The following GALNT2 variants were observed in gnomAD, a reference collection of about 807,000 sequenced individuals.
GALNT2 encodes the protein UDP-GalNAc:polypeptide N-acetylgalactosaminyltransferase 2.
In GALNT2, 31 loss-of-function variants were observed where a neutral mutation model predicts 81.4. That is an observed-to-expected ratio of 0.38 (90% CI 0.29 to 0.51). GALNT2 has a LOEUF of 0.51. Ranked by LOEUF, GALNT2 falls within the 20% of genes least tolerant of loss-of-function variation. The pLI is 0.87. For synonymous variants in GALNT2, 303 were observed against 287.4 expected, an observed-to-expected ratio of 1.05 and a Z score of -0.55; for missense variants, 629 against 765.7, an observed-to-expected ratio of 0.82 and a Z score of 2.11.
chr1:230,230,957 T>G (rs957871835), intron 3 of GALNT2, among the ~76,000 whole-genome samples: 1 of 152,200 alleles, frequency 6.6e-6, no homozygotes, highest in Admixed American at 6.5e-5. Flanking sequence ...TGAACTCTCC[T>G]TCTTAAAGAG....
intron 1 of GALNT2, among the ~76,000 whole-genome samples, chr1:230,060,496 C>T (rs1001310274): frequency 6.6e-6 from 1 of 152,112 alleles, no homozygotes; most frequent in Non-Finnish European, 1.5e-5. Flanking sequence ...CCTATTTCTC[C>T]ACCAGCTACT....
At chr1:230,190,663 G>A (rs771912309) in intron 2 of GALNT2, among the ~76,000 whole-genome samples, 2 of 152,020 alleles carry the variant, frequency 1.3e-5, no homozygotes, top group Non-Finnish European at 2.9e-5. Flanking sequence ...CTCCTGAAAC[G>A]GGGCCTTTTT....
intron 2 of GALNT2, among the ~76,000 whole-genome samples, chr1:230,199,557 A>G (rs75890787): frequency 0.11 from 16,144 of 152,282 alleles, 1,082 homozygotes; most frequent in Non-Finnish European, 0.14. Flanking sequence ...AGACTTTTGT[A>G]TCAGTTGGGT....
chr1:230,091,241 ATT>A lies in GALNT2; in HGVS notation c.126+23848_126+23849del, dbSNP rs5781563. 2.9e-3 allele frequency among the ~76,000 whole-genome samples: 422 copies of A among 144,454 alleles called. 1 individual carries two copies. The highest frequency in any genetic ancestry group is 3.7e-3 in the African/African-American group (144 of 39,220). 94.8% of individuals were successfully genotyped at this position (144,454 alleles called of 152,430 possible). ...GTGTCACCACATACTAATTTTTTGTATTTTTTTTTTTTTTAGTAGAGACAGGG... is the reference window on the plus strand; with the variant it reads ...GTGTCACCACATACTAATTTTTTGTATTTTTTTTTTTTAGTAGAGACAGGG... On this transcript the variant is annotated intron_variant, in intron 1 of 15. Transcript: ENST00000366672.
rs1014071696 is a variant in GALNT2, at chr1:230,257,288, C to T, written c.1136+1944C>T. ...GTGACCCTATGGTGAAACAATGGTA[C>T]GAGTGCCCCCTCCACTCTTGGAGCC... is the stretch of plus-strand genomic sequence containing the variant. On this transcript the variant is annotated intron_variant, in intron 11 of 15. Transcript: ENST00000366672. This position sits in a 1 kb window ranked among gnomAD's most constrained non-coding sequence, Gnocchi z 4.6. Among the ~76,000 whole-genome samples the T allele has an allele frequency of 2.6e-5, 4 of 152,184 alleles. No individual in the cohort carries two copies. The highest frequency in any genetic ancestry group is 6.5e-5 in the Admixed American group (1 of 15,286).
chr1:230,173,222 T>C (rs1186997001), intron 1 of GALNT2, among the ~76,000 whole-genome samples: 2 of 152,244 alleles, frequency 1.3e-5, no homozygotes, highest in African/African-American at 2.4e-5. Flanking sequence ...CTTTAGGGCA[T>C]CTAGGTCTTT....
intron 1 of GALNT2, among the ~76,000 whole-genome samples, chr1:230,086,946 G>T (rs1282870535): frequency 6.6e-6 from 1 of 152,170 alleles, no homozygotes; most frequent in Non-Finnish European, 1.5e-5. Flanking sequence ...TCTACGAGAT[G>T]GAGTTTATCA....
intron 8 of GALNT2, among the ~76,000 whole-genome samples, chr1:230,246,609 CT>C (rs1316876835): frequency 6.6e-6 from 1 of 152,146 alleles, no homozygotes; most frequent in Non-Finnish European, 1.5e-5. Context: ...CTGTGTCATC[CT>C]CAACCCCCTC....
chr1:230,144,563 C>T (rs1469306868), intron 1 of GALNT2, among the ~76,000 whole-genome samples: 1 of 152,176 alleles, frequency 6.6e-6, no homozygotes, highest in Non-Finnish European at 1.5e-5. Flanking sequence ...ACATCTGCAA[C>T]AATAGACGCT....
chr1:230,122,914 G>A (rs1031537740), intron 1 of GALNT2, among the ~76,000 whole-genome samples: 1 of 152,174 alleles, frequency 6.6e-6, no homozygotes, highest in South Asian at 2.1e-4. Context: ...TTGATTGGCA[G>A]TTGAAGTGTC....
At chr1:230,224,248 C>T (rs1664638961) in intron 3 of GALNT2, among the ~76,000 whole-genome samples, 1 of 152,200 alleles carries the variant, frequency 6.6e-6, no homozygotes, top group Non-Finnish European at 1.5e-5. Flanking sequence ...GCAGTGTTCA[C>T]ATTGTCTGAT....
chr1:230,243,946 G>T lies in GALNT2; in HGVS notation c.729+519G>T, dbSNP rs1035637019. Among the ~76,000 whole-genome samples the T allele has an allele frequency of 2.4e-4, 36 of 152,058 alleles. 1 individual carries two copies. Among genetic ancestry groups the T allele is most frequent in the Non-Finnish European group, 7.4e-5 (5 of 68,016 alleles). On this transcript the variant is annotated intron_variant, in intron 7 of 15. Coordinates refer to ENST00000366672, the MANE Select transcript of GALNT2 (RefSeq NM_004481.5). This position sits in a 1 kb window ranked among gnomAD's most constrained non-coding sequence, Gnocchi z 4.2. ...TAGGAAGCATACAGGGACCGGTGGG[G>T]TTGTCAGAGGGTGATCCGCGGCTCC...
At chr1:230,207,488 A>C (rs1018762226) in intron 3 of GALNT2, among the ~76,000 whole-genome samples, 1 of 152,256 alleles carries the variant, frequency 6.6e-6, no homozygotes, top group Non-Finnish European at 1.5e-5. Flanking sequence ...AAATATTTAC[A>C]TGGAATCAGG....
intron 3 of GALNT2, among the ~76,000 whole-genome samples, chr1:230,205,576 T>C (rs1023870106): frequency 6.6e-6 from 1 of 152,196 alleles, no homozygotes; most frequent in Non-Finnish European, 1.5e-5. Flanking sequence ...ACTAACTGTT[T>C]AGTACTGTAT....
intron 1 of GALNT2, among the ~76,000 whole-genome samples, chr1:230,124,942 C>T (rs1375049807): frequency 1.3e-5 from 2 of 152,234 alleles, no homozygotes; most frequent in East Asian, 3.8e-4. Context: ...TGGAGGAGCA[C>T]ACCCTGGTGT....
At chr1:230,094,872 A>G (rs964897178) in intron 1 of GALNT2, among the ~76,000 whole-genome samples, 9 of 152,140 alleles carry the variant, frequency 5.9e-5, no homozygotes, top group African/African-American at 2.2e-4. Flanking sequence ...CTCCCCACGT[A>G]GAGACAGGAA....
rs760312088 is a variant in GALNT2, at chr1:230,243,712, C to A, written c.729+285C>A. Among the ~76,000 whole-genome samples, 1 of 152,216 alleles carries A rather than the reference C, an allele frequency of 6.6e-6. No individual in the cohort carries two copies. The highest frequency in any genetic ancestry group is 1.5e-5 in the Non-Finnish European group (1 of 68,044). ...TGGTGAGAGCCTGATTAGTTGAAGG[C>A]AGCCCTTTTCATGGGAGCAGTTTCC... On this transcript the variant is annotated intron_variant, in intron 7 of 15. Transcript: ENST00000366672. This position sits in a 1 kb window ranked among gnomAD's most constrained non-coding sequence, Gnocchi z 4.2.
intron 3 of GALNT2, among the ~76,000 whole-genome samples, chr1:230,220,292 T>A (rs1572101061): frequency 6.9e-6 from 1 of 145,942 alleles, no homozygotes; most frequent in Non-Finnish European, 1.5e-5. Flanking sequence ...TTTTTTTTTT[T>A]AATGTTGGAA....
chr1:230,137,724 A>G (rs1042202114), intron 1 of GALNT2, among the ~76,000 whole-genome samples: 2 of 152,222 alleles, frequency 1.3e-5, no homozygotes, highest in Non-Finnish European at 2.9e-5. Flanking sequence ...CTAGATTGCA[A>G]CCTGGTTTAG....
Sources: gnomAD v4.1 joint callset for allele counts (sites outside exome capture counted in the v4.1 genomes callset) on GRCh38, gnomAD v4.1.1 for gene constraint, Gnocchi (gnomAD v3.1) non-coding constraint, MANE v1.5 for transcripts, NCBI Gene and HGNC (gene_info 2026-07-23, HGNC 2026-07-21) for gene names.